Variants in HECTD2 observed in about 807,000 individuals in gnomAD.
HECTD2 encodes the protein HECT domain E3 ubiquitin protein ligase 2, also known as probable E3 ubiquitin-protein ligase HECTD2.
Under a neutral mutation model 103.2 loss-of-function variants are expected in HECTD2, and 35 were observed. That is an observed-to-expected ratio of 0.34 (90% CI 0.26 to 0.45). HECTD2 has a LOEUF of 0.45. Ranked by LOEUF, HECTD2 falls within the 20% of genes least tolerant of loss-of-function variation. HECTD2 has a pLI of 1.00. For missense variants in HECTD2, 596 were observed against 937.4 expected (o/e 0.64, Z 4.76); for synonymous variants, 281 against 329.9 (o/e 0.85, Z 1.61).
At chr10:91,415,369 ATAAAC>A (rs1843083003) in intron 1 of HECTD2, among the ~76,000 whole-genome samples, 1 of 152,198 alleles carries the variant, frequency 6.6e-6, no homozygotes, top group Non-Finnish European at 1.5e-5. Context: ...AAGTAATTGA[ATAAAC>A]TACAGATATT....
chr10:91,454,749 G>A (rs1048288672), intron 2 of HECTD2, among the ~76,000 whole-genome samples: 1 of 151,490 alleles, frequency 6.6e-6, no homozygotes, highest in Non-Finnish European at 1.5e-5. Flanking sequence ...GCCCCAGTGT[G>A]TAATGTTCCC....
Position 91,484,606 on chromosome 10 carries a change from A to C in HECTD2, c.921A>C (p.Thr307=). 2.5e-6 allele frequency: 4 copies of C among 1,612,522 alleles called. No homozygotes were observed. Among genetic ancestry groups the C allele is most frequent in the Non-Finnish European group, 3.4e-6 (4 of 1,179,100 alleles). Residue 307 remains threonine (T), a synonymous_variant, in exon 9 of 21, where the codon ACA becomes ACC. Coordinates refer to ENST00000298068, the MANE Select transcript of HECTD2 (RefSeq NM_182765.6). The part of the protein sequence containing the change: ...PAKPEEFPPI[T]KCSWWIPSAA... ...AGCCTGAAGAATTTCCACCTATAAC[A>C]AAGTGTTCCTGGTGGATTCCATCAG...
intron 5 of HECTD2, among the ~76,000 whole-genome samples, chr10:91,476,897 C>CAATGCAGATGCCAAGTGTGTA (rs1845923892): frequency 6.6e-6 from 1 of 151,968 alleles, no homozygotes; most frequent in African/African-American, 2.4e-5. Flanking sequence ...CCTGCGGGTC[C>CAATGCAGATGCCAAGTGTGTA]GGGCCGGGCG....
At chr10:91,452,254 GAA>G (rs1230031134) in intron 2 of HECTD2, among the ~76,000 whole-genome samples, 1 of 152,052 alleles carries the variant, frequency 6.6e-6, no homozygotes, top group African/African-American at 2.4e-5. Context: ...TACATTTGGT[GAA>G]AGACATAAAC....
intron 8 of HECTD2, chr10:91,484,014 C>T (rs1470833887): frequency 8.5e-6 from 2 of 235,544 alleles, no homozygotes; most frequent in African/African-American, 2.3e-5. Flanking sequence ...CAACAAAAAG[C>T]ACCAAAATGT....
intron 2 of HECTD2, among the ~76,000 whole-genome samples, chr10:91,428,593 A>G (rs1354759837): frequency 3.3e-5 from 5 of 151,410 alleles, no homozygotes; most frequent in South Asian, 4.2e-4. Flanking sequence ...GTTCCTTCAC[A>G]TCCCTTGTAA....
chr10:91,443,659 A>T (rs1419955192), intron 2 of HECTD2, among the ~76,000 whole-genome samples: 2 of 152,178 alleles, frequency 1.3e-5, no homozygotes, highest in African/African-American at 4.8e-5. Flanking sequence ...AGGAATGCTT[A>T]AGTCTGCTGA....
chr10:91,502,309 A>G (rs1019459112), intron 20 of HECTD2, among the ~76,000 whole-genome samples: 1 of 152,148 alleles, frequency 6.6e-6, no homozygotes, highest in African/African-American at 2.4e-5. Flanking sequence ...CATGCTTTCA[A>G]GTTGTTCCCT....
chr10:91,464,206 A>AATC (rs1293011650), intron 5 of HECTD2, among the ~76,000 whole-genome samples: 1 of 152,210 alleles, frequency 6.6e-6, no homozygotes, highest in Non-Finnish European at 1.5e-5. Flanking sequence ...AAAACATCTT[A>AATC]ATCTACAAAG....
At chr10:91,467,530 C>T (rs1213249990) in intron 5 of HECTD2, among the ~76,000 whole-genome samples, 7 of 152,120 alleles carry the variant, frequency 4.6e-5, no homozygotes, top group African/African-American at 1.7e-4. Context: ...AGTGCACCCT[C>T]GATGCCCAAC....
chr10:91,420,286 A>G (rs1330419397), intron 1 of HECTD2, among the ~76,000 whole-genome samples: 1 of 151,968 alleles, frequency 6.6e-6, no homozygotes, highest in Non-Finnish European at 1.5e-5. Flanking sequence ...ATTACAAAAA[A>G]AAAAAAAAAG....
intron 2 of HECTD2, among the ~76,000 whole-genome samples, chr10:91,435,709 C>T (rs1375572838): frequency 6.6e-6 from 1 of 151,904 alleles, no homozygotes; most frequent in Non-Finnish European, 1.5e-5. Flanking sequence ...CAGTGTTGTG[C>T]CTTGGTGTGA....
At chr10:91,456,495 C>T (rs1845099480) in intron 2 of HECTD2, among the ~76,000 whole-genome samples, 1 of 152,158 alleles carries the variant, frequency 6.6e-6, no homozygotes, top group Non-Finnish European at 1.5e-5. Flanking sequence ...ATGGGTTTTT[C>T]TAGATATACA....
In HECTD2 at chr10:91,514,614, A is replaced by T. The variant is rs11186597; in HGVS notation, c.*2230A>T. On this transcript the variant is annotated 3_prime_UTR_variant, in exon 21 of 21. Transcript: ENST00000298068. ...CAGTATTTATCAGTATTTTTTAAAC[A>T]TCCTGTCCTTTTTTAAAATCTTTGC... 6.6e-6 allele frequency: 1 copy of T among 152,424 alleles called. No individual in the cohort carries two copies. The highest frequency in any genetic ancestry group is 1.5e-5 in the Non-Finnish European group (1 of 67,996). The allele number at this position is 152,424 out of a possible 1,614,324, so 9.4% of individuals were successfully genotyped here.
chr10:91,415,274 G>A (rs939692755), intron 1 of HECTD2, among the ~76,000 whole-genome samples: 1 of 150,684 alleles, frequency 6.6e-6, no homozygotes, highest in Non-Finnish European at 1.5e-5. Flanking sequence ...GAACAATCTT[G>A]TATGAAAAAT....
intron 2 of HECTD2, among the ~76,000 whole-genome samples, chr10:91,452,514 A>G (rs767886227): frequency 4.0e-5 from 6 of 151,798 alleles, no homozygotes; most frequent in Non-Finnish European, 8.8e-5. Flanking sequence ...TAATTGAGTC[A>G]TGAGGGCTCT....
intron 5 of HECTD2, among the ~76,000 whole-genome samples, chr10:91,469,097 T>C (rs1284971520): frequency 6.6e-6 from 1 of 151,928 alleles, no homozygotes; most frequent in Non-Finnish European, 1.5e-5. Flanking sequence ...CTCCAAGAAA[T>C]ATGGGATTAT....
intron 2 of HECTD2, among the ~76,000 whole-genome samples, chr10:91,443,556 T>G (rs955917837): frequency 1.3e-5 from 2 of 152,112 alleles, no homozygotes; most frequent in African/African-American, 4.8e-5. Context: ...GACACATGGG[T>G]GTCAGGGACC....
At chr10:91,429,916 G>T (rs1843761252) in intron 2 of HECTD2, among the ~76,000 whole-genome samples, 1 of 151,718 alleles carries the variant, frequency 6.6e-6, no homozygotes, top group Admixed American at 6.6e-5. Flanking sequence ...CTTGCCTTCT[G>T]CTAGCTTTTG....
Sources: gnomAD v4.1 joint callset for allele counts (sites outside exome capture counted in the v4.1 genomes callset) on GRCh38, gnomAD v4.1.1 for gene constraint, MANE v1.5 for transcripts, NCBI Gene and HGNC (gene_info 2026-07-23, HGNC 2026-07-21) for gene names.